Variants in NELL1 observed in about 807,000 individuals in gnomAD.
NELL1 encodes neural EGFL like 1.
Under a neutral mutation model 107.4 loss-of-function variants are expected in NELL1, and 76 were observed. The observed-to-expected ratio is 0.71, with a 90% CI of 0.59 to 0.86. The LOEUF (loss-of-function observed/expected upper bound fraction) is 0.86. Ranked by LOEUF, NELL1 falls within the 40% of genes least tolerant of loss-of-function variation. The pLI is 0.00. For synonymous variants in NELL1, 353 were observed against 341.2 expected (o/e 1.03, Z -0.38); for missense variants, 1,024 against 1,005.5 (o/e 1.02, Z -0.25).
chr11:21,036,479 T>C (rs937062328), intron 12 of NELL1, among the ~76,000 whole-genome samples: 1 of 152,124 alleles, frequency 6.6e-6, no homozygotes, highest in African/African-American at 2.4e-5. Flanking sequence ...CTGCAAACTA[T>C]ATTACAGGGC....
rs1856369017 is a variant in NELL1 at position 20,759,409 on chromosome 11, G to C, written c.185-24271G>C. ...TTCTACTTAATGCTGCTAATGGTTTGTTGTGAGACTCAGTGTCACCAGGAT... is the reference window on the plus strand; with the variant it reads ...TTCTACTTAATGCTGCTAATGGTTTCTTGTGAGACTCAGTGTCACCAGGAT... On this transcript the variant is annotated intron_variant, in intron 2 of 19. Coordinates refer to ENST00000357134, the MANE Select transcript of NELL1 (RefSeq NM_006157.5). Among the ~76,000 whole-genome samples, 3 of 152,310 alleles carry C rather than the reference G, an allele frequency of 2.0e-5. No homozygotes were observed. In the South Asian group the frequency reaches 6.2e-4, roughly 32 times the overall value.
chr11:20,800,592 A>T (rs907841541), intron 3 of NELL1, among the ~76,000 whole-genome samples: 1 of 152,146 alleles, frequency 6.6e-6, no homozygotes, highest in Admixed American at 6.5e-5. Flanking sequence ...GATTCTGGAT[A>T]TTAGACCTCT....
intron 4 of NELL1, among the ~76,000 whole-genome samples, chr11:20,880,009 C>T (rs1849378462): frequency 6.6e-6 from 1 of 151,812 alleles, no homozygotes; most frequent in African/African-American, 2.4e-5. Flanking sequence ...TAAACAGCAA[C>T]AGAAATGAAT....
chr11:21,204,472 G>C (rs757108598), intron 13 of NELL1, among the ~76,000 whole-genome samples: 1 of 151,738 alleles, frequency 6.6e-6, no homozygotes, highest in Non-Finnish European at 1.5e-5. Flanking sequence ...GGTCATTTAT[G>C]TTCTTCTCTA....
At chr11:20,675,483 G>GAGCC (rs1310967670) in intron 1 of NELL1, among the ~76,000 whole-genome samples, 2 of 152,142 alleles carry the variant, frequency 1.3e-5, no homozygotes, top group African/African-American at 4.8e-5. Context: ...CTTAAGTTGA[G>GAGCC]AGCCTGCCTG....
At chr11:21,357,902 G>A (rs902568284) in intron 14 of NELL1, among the ~76,000 whole-genome samples, 1 of 152,140 alleles carries the variant, frequency 6.6e-6, no homozygotes, top group Non-Finnish European at 1.5e-5. Flanking sequence ...TGAATAGGGT[G>A]TCGTTTCCCC....
At chr11:21,354,521 C>T (rs557940444) in intron 14 of NELL1, among the ~76,000 whole-genome samples, 3 of 152,282 alleles carry the variant, frequency 2.0e-5, no homozygotes, top group South Asian at 4.1e-4. Flanking sequence ...TCATAATTAA[C>T]TTTCTCCGGG....
intron 5 of NELL1, among the ~76,000 whole-genome samples, chr11:20,912,069 C>T (rs1000767489): frequency 6.6e-6 from 1 of 152,146 alleles, no homozygotes; most frequent in African/African-American, 2.4e-5. Flanking sequence ...TTGTGATGTG[C>T]TTTCAGGTTA....
intron 12 of NELL1, among the ~76,000 whole-genome samples, chr11:21,046,803 G>C (rs1470042050): frequency 6.6e-6 from 1 of 151,686 alleles, no homozygotes; most frequent in African/African-American, 2.4e-5. Flanking sequence ...GACTTCCCAG[G>C]CTCAAGGCAT....
intron 10 of NELL1, among the ~76,000 whole-genome samples, chr11:20,944,496 A>G (rs1850923695): frequency 6.6e-6 from 1 of 152,232 alleles, no homozygotes; most frequent in Non-Finnish European, 1.5e-5. Context: ...TGGTTAGTAC[A>G]GAACTTGAAA....
chr11:20,804,248 A>AT (rs1857336803), intron 3 of NELL1, among the ~76,000 whole-genome samples: 1 of 151,984 alleles, frequency 6.6e-6, no homozygotes, highest in South Asian at 2.1e-4. Context: ...TTGTTTATCC[A>AT]TTTTTGAGAT....
chr11:21,298,526 C>A (rs1462679172), intron 14 of NELL1, among the ~76,000 whole-genome samples: 1 of 151,962 alleles, frequency 6.6e-6, no homozygotes, highest in Non-Finnish European at 1.5e-5. Flanking sequence ...GATGTGCTTT[C>A]TTTCAAGGAG....
At chr11:20,847,866 C>A (rs1848728246) in intron 4 of NELL1, 113 bp downstream of exon 4, 2 of 1,152,492 alleles carry the variant, frequency 1.7e-6, no homozygotes, top group Non-Finnish European at 2.4e-6. Flanking sequence ...ACCAAGGGAC[C>A]CTAATTGTAA....
intron 15 of NELL1, among the ~76,000 whole-genome samples, chr11:21,499,810 C>T (rs1590982803): frequency 6.6e-6 from 1 of 152,256 alleles, no homozygotes; most frequent in East Asian, 1.9e-4. Context: ...CCAAGGTTGC[C>T]AGTAATCACT....
intron 13 of NELL1, among the ~76,000 whole-genome samples, chr11:21,157,181 G>T (rs1180903263): frequency 6.6e-6 from 1 of 151,686 alleles, no homozygotes; most frequent in East Asian, 1.9e-4. Flanking sequence ...GTGTGTGTGT[G>T]TGTACATATA....
chr11:21,036,895 C>A (rs75020080), intron 12 of NELL1, among the ~76,000 whole-genome samples: 2 of 152,038 alleles, frequency 1.3e-5, no homozygotes, highest in South Asian at 4.1e-4. Context: ...TTTTATGACA[C>A]GTATTAGATA....
chr11:20,797,565 C>CAAAAAAAAAA lies in NELL1; in HGVS notation c.335+13748_335+13757dup, dbSNP rs35016707. Among the ~76,000 whole-genome samples the CAAAAAAAAAA allele has an allele frequency of 1.3e-3, 92 of 69,292 alleles. 2 individuals carry two copies. Among genetic ancestry groups the CAAAAAAAAAA allele is most frequent in the African/African-American group, 5.5e-3 (88 of 16,066 alleles). The allele number at this position is 69,292 out of a possible 152,430, so 45.5% of individuals were successfully genotyped here. On this transcript the variant is annotated intron_variant, in intron 3 of 19. Coordinates refer to ENST00000357134, the MANE Select transcript of NELL1 (RefSeq NM_006157.5). The stretch of plus-strand genomic sequence containing the variant: ...TGGGCGACAGAGCGAGACTCCATCT[C>CAAAAAAAAAA]AAAAAAAAAAAAAAAAAAAAAAGAC...
intron 15 of NELL1, among the ~76,000 whole-genome samples, chr11:21,422,801 C>G (rs1351694702): frequency 1.3e-5 from 2 of 151,758 alleles, no homozygotes; most frequent in African/African-American, 4.8e-5. Context: ...ATATAGGAAA[C>G]AAATAAGAGA....
At chr11:21,071,197 C>T (rs569170844) in intron 12 of NELL1, among the ~76,000 whole-genome samples, 1 of 152,262 alleles carries the variant, frequency 6.6e-6, no homozygotes, top group East Asian at 1.9e-4. Flanking sequence ...AATAGTAACA[C>T]CTCACTAGTA....
Sources: allele counts gnomAD v4.1 joint callset (sites outside exome capture counted in the v4.1 genomes callset), GRCh38; gene constraint gnomAD v4.1.1; transcripts MANE v1.5; gene names NCBI Gene and HGNC (gene_info 2026-07-23, HGNC 2026-07-21).